Variants in PLEKHA6 observed in about 807,000 individuals in gnomAD.
PLEKHA6 encodes pleckstrin homology domain containing A6.
A neutral mutation model predicts 116.7 loss-of-function variants in PLEKHA6; 60 were observed. That is an observed-to-expected ratio of 0.51 (90% confidence interval 0.42 to 0.64). PLEKHA6 has a LOEUF of 0.64. Among genes scored for constraint, PLEKHA6 ranks in the 30% least tolerant of loss-of-function variants. The pLI is 0.00. For synonymous variants in PLEKHA6, 489 were observed against 556.1 expected (o/e 0.88, Z 1.70); for missense variants, 1,338 against 1,422.7 (o/e 0.94, Z 0.96).
intron 1 of PLEKHA6, among the ~76,000 whole-genome samples, chr1:204,315,201 T>C (rs1219462986): frequency 1.3e-5 from 2 of 152,076 alleles, no homozygotes; most frequent in Admixed American, 6.5e-5. Context: ...AAAGCCAATT[T>C]CCCCTCCACT....
At chr1:204,373,956 G>C (rs1438969724) in intron 1 of PLEKHA6, among the ~76,000 whole-genome samples, 1 of 152,110 alleles carries the variant, frequency 6.6e-6, no homozygotes, top group African/African-American at 2.4e-5. Flanking sequence ...GGTTTGGAGA[G>C]AAAGTCAGCC....
intron 1 of PLEKHA6, among the ~76,000 whole-genome samples, chr1:204,292,050 G>T (rs1200562281): frequency 1.3e-5 from 2 of 152,172 alleles, no homozygotes; most frequent in Non-Finnish European, 2.9e-5. Flanking sequence ...ACCTGCTTTA[G>T]TCTGACAGAA....
In PLEKHA6 at chr1:204,271,255, A is replaced by G. The variant is rs58093017; in HGVS notation, c.102+2371T>C. Among the ~76,000 whole-genome samples, 198 of 152,276 alleles carry G rather than the reference A, an allele frequency of 1.3e-3. 1 individual carries two copies. Among genetic ancestry groups the G allele is most frequent in the African/African-American group, 4.7e-3 (194 of 41,532 alleles). On this transcript the variant is annotated intron_variant, in intron 3 of 22. Coordinates refer to ENST00000272203, the MANE Select transcript of PLEKHA6 (RefSeq NM_014935.5). ...ACACCCCTTGCCTAAAACCTGTCAC[A>G]ATGCAGCTTTCTATCTCTTCCATTG...
chr1:204,318,955 G>A (rs1383081457), intron 1 of PLEKHA6, among the ~76,000 whole-genome samples: 1 of 152,158 alleles, frequency 6.6e-6, no homozygotes, highest in Non-Finnish European at 1.5e-5. Context: ...CCAGTAAATG[G>A]GAGAACAGAA....
At chr1:204,273,569 T>C (rs1311899509) in intron 3 of PLEKHA6, 57 bp downstream of exon 3, 2 of 1,142,322 alleles carry the variant, frequency 1.8e-6, no homozygotes, top group Non-Finnish European at 2.7e-6. Flanking sequence ...GAGATCCCAC[T>C]AAACATGCAC....
chr1:204,373,701 T>C (rs1187898157), intron 1 of PLEKHA6, among the ~76,000 whole-genome samples: 2 of 152,242 alleles, frequency 1.3e-5, no homozygotes, highest in Non-Finnish European at 2.9e-5. Flanking sequence ...ATTTGTGTAC[T>C]AGTGTTGGTG....
chr1:204,301,963 G>A (rs192682396), intron 1 of PLEKHA6, among the ~76,000 whole-genome samples: 15 of 152,312 alleles, frequency 9.8e-5, no homozygotes, highest in Admixed American at 9.1e-4. Flanking sequence ...GCTATCTTGA[G>A]AAGACCTAGT....
rs763350179 is a variant in PLEKHA6, at chr1:204,248,926, C to T, written c.1719G>A (p.Glu573=). 4 of 1,614,150 alleles carry T rather than the reference C, an allele frequency of 2.5e-6. No individual in the cohort carries two copies. In the East Asian group the frequency reaches 6.7e-5, roughly 27 times the overall value. The change falls in exon 12 of 23, where the codon GAG becomes GAA. Residue 573 remains glutamate, a synonymous_variant. Coordinates refer to ENST00000272203, the MANE Select transcript of PLEKHA6 (RefSeq NM_014935.5). ...SALMGTHQEL[E]MFGSQPAYPE... ...GGTAGGCGGGCTGGCTTCCAAACATCTCCAGCTCCTGGTGGGTCCCCATCA... is the reference window on the plus strand; with the variant it reads ...GGTAGGCGGGCTGGCTTCCAAACATTTCCAGCTCCTGGTGGGTCCCCATCA...
chr1:204,287,583 G>A (rs765639608), intron 1 of PLEKHA6, among the ~76,000 whole-genome samples: 9 of 151,806 alleles, frequency 5.9e-5, no homozygotes, highest in African/African-American at 9.7e-5. Flanking sequence ...ACCCACCCCC[G>A]CCAGGTTCTG....
At chr1:204,250,027 C>T (rs1267891936) in intron 10 of PLEKHA6, among the ~76,000 whole-genome samples, 1 of 152,220 alleles carries the variant, frequency 6.6e-6, no homozygotes, top group African/African-American at 2.4e-5. Flanking sequence ...CACTTCCCTG[C>T]ACCTGGCAGA....
Position 204,223,530 on chromosome 1 carries a change from T to A in PLEKHA6, c.3087A>T (p.Ala1029=). Residue 1029 remains alanine, a synonymous_variant, in exon 22 of 23, where the codon GCA becomes GCT. Coordinates refer to ENST00000272203, the MANE Select transcript of PLEKHA6 (RefSeq NM_014935.5). This position sits in a 1 kb window ranked among gnomAD's most constrained non-coding sequence, Gnocchi z 4.8. The stretch of plus-strand genomic sequence containing the variant: ...GTGGGGATTCAGACGACAGGGGGTT[T>A]GCTGGAGGAGCCGGGGAAGCAGGGG... ...PTSPASPAPP[A]NPLSSESPRG... The A allele has an allele frequency of 6.5e-7, 1 of 1,544,172 alleles. No individual in the cohort carries two copies. Among genetic ancestry groups the A allele is most frequent in the Non-Finnish European group, 8.7e-7 (1 of 1,143,026 alleles).
At chr1:204,284,473 C>T (rs1446123177) in intron 1 of PLEKHA6, among the ~76,000 whole-genome samples, 2 of 152,086 alleles carry the variant, frequency 1.3e-5, no homozygotes, top group Non-Finnish European at 2.9e-5. Context: ...GGGGAGCTTG[C>T]CAAGGACTCT....
At chr1:204,274,344 CT>C (rs1421133122) in intron 2 of PLEKHA6, among the ~76,000 whole-genome samples, 1 of 152,122 alleles carries the variant, frequency 6.6e-6, no homozygotes, top group Non-Finnish European at 1.5e-5. Flanking sequence ...ATCCTCTTTT[CT>C]TTTTTTCTCC....
intron 17 of PLEKHA6, among the ~76,000 whole-genome samples, chr1:204,231,069 G>A (rs1305617643): frequency 6.6e-6 from 1 of 152,194 alleles, no homozygotes; most frequent in Non-Finnish European, 1.5e-5. Flanking sequence ...AAGCCACCCT[G>A]TGTGTGGTGA....
At chr1:204,250,673 G>C in intron 9 of PLEKHA6, 59 bp from the exon 10 acceptor site, 1 of 1,148,700 alleles carries the variant, frequency 8.7e-7, no homozygotes, top group Non-Finnish European at 1.3e-6. Context: ...TGCAGGGATA[G>C]GAAGCTAACA....
intron 1 of PLEKHA6, chr1:204,308,004 T>C (rs1487058938): frequency 1.9e-6 from 1 of 522,728 alleles, no homozygotes; most frequent in East Asian, 1.5e-4. Context: ...GGGTCTGACA[T>C]ATATAAATGG....
chr1:204,227,373 T>C (rs901079553), intron 21 of PLEKHA6, among the ~76,000 whole-genome samples: 12 of 152,172 alleles, frequency 7.9e-5, no homozygotes, highest in Admixed American at 3.9e-4. Context: ...TCCTCTCCCT[T>C]TAACCCTCCC....
chr1:204,375,205 C>T (rs146588487), intron 1 of PLEKHA6, among the ~76,000 whole-genome samples: 1,608 of 152,198 alleles, frequency 0.011, 23 homozygotes, highest in African/African-American at 0.036. Flanking sequence ...TACCCCCACA[C>T]GATGACCCTT....
At chr1:204,248,773 G>A in intron 12 of PLEKHA6, 48 bp downstream of exon 12, 1 of 1,578,392 alleles carries the variant, frequency 6.3e-7, no homozygotes. Flanking sequence ...TGGCCCTGCT[G>A]CCTAGTGCTG....
Sources: allele counts gnomAD v4.1 joint callset (sites outside exome capture counted in the v4.1 genomes callset), GRCh38; gene constraint gnomAD v4.1.1; non-coding constraint Gnocchi (gnomAD v3.1); transcripts MANE v1.5; gene names NCBI Gene and HGNC (gene_info 2026-07-23, HGNC 2026-07-21).